DISC1: variants seen among roughly 807,000 people sequenced by gnomAD.
The protein encoded by DISC1 is DISC1 scaffold protein.
In DISC1, 57 loss-of-function variants were observed where a neutral mutation model predicts 84.5. The observed-to-expected ratio is 0.67, with a 90% CI of 0.55 to 0.84. The LOEUF (loss-of-function observed/expected upper bound fraction) is 0.84. Among genes scored for constraint, DISC1 ranks in the 40% least tolerant of loss-of-function variants. The probability of loss-of-function intolerance (pLI) is 0.00; values close to 1 mark genes in which losing one functional copy is unlikely to be tolerated. For synonymous variants in DISC1, 411 were observed against 415.2 expected, an observed-to-expected ratio of 0.99 and a Z score of 0.12; for missense variants, 1,000 against 1,057.8, an observed-to-expected ratio of 0.95 and a Z score of 0.76.
intron 9 of DISC1, among the ~76,000 whole-genome samples, chr1:231,844,013 C>T (rs1384087447): frequency 6.6e-6 from 1 of 152,124 alleles, no homozygotes; most frequent in Non-Finnish European, 1.5e-5. Flanking sequence ...TCCTAAAGAA[C>T]ATTAATCTTT....
intron 1 of DISC1, among the ~76,000 whole-genome samples, chr1:231,646,372 A>ATG (rs1424068377): frequency 3.3e-5 from 5 of 152,100 alleles, no homozygotes; most frequent in Non-Finnish European, 7.4e-5. Context: ...CATGGTGTAT[A>ATG]TGTGCCACAT....
chr1:231,674,554 T>A (rs201005123), intron 1 of DISC1, among the ~76,000 whole-genome samples: 22 of 152,232 alleles, frequency 1.4e-4, no homozygotes, highest in South Asian at 2.1e-4. Context: ...TAACTGATTT[T>A]CTTTTTGTCT....
chr1:231,947,703 A>G lies in DISC1; in HGVS notation c.1982-11125A>G, dbSNP rs551802794. On this transcript the variant is annotated intron_variant, in intron 9 of 12. Coordinates refer to ENST00000439617, the MANE Select transcript of DISC1 (RefSeq NM_018662.3). ...GAATGGGGGAAAATTTTTGCAATCTATCCATCTGACAAAGGGCTAATATTC... is the reference window on the plus strand; with the variant it reads ...GAATGGGGGAAAATTTTTGCAATCTGTCCATCTGACAAAGGGCTAATATTC... 5.9e-5 allele frequency among the ~76,000 whole-genome samples: 9 copies of G among 152,342 alleles called. No homozygotes were observed. The South Asian group carries it at 1.5e-3, about 25-fold the overall frequency.
intron 2 of DISC1, among the ~76,000 whole-genome samples, chr1:231,700,126 G>A (rs932220961): frequency 6.6e-6 from 1 of 152,050 alleles, no homozygotes; most frequent in South Asian, 2.1e-4. Context: ...TCCCCATAAC[G>A]TGGTTCTCCC....
At chr1:232,002,147 G>A (rs1666767192) in intron 10 of DISC1, among the ~76,000 whole-genome samples, 1 of 152,080 alleles carries the variant, frequency 6.6e-6, no homozygotes, top group Non-Finnish European at 1.5e-5. Context: ...TTAGAAATGA[G>A]GGTAATGGAA....
Position 231,960,586 on chromosome 1 carries a change from A to G in DISC1, c.2042+1698A>G, listed in dbSNP as rs1363218289. Among the ~76,000 whole-genome samples, 7 of 152,166 alleles carry G rather than the reference A, an allele frequency of 4.6e-5. 2 individuals carry two copies. The highest frequency in any genetic ancestry group is 4.6e-4 in the Admixed American group (7 of 15,278). ...TTTATATCATTAGAACTGATTGGAC[A>G]CTTATGAGTGGAAAAACACAAACTG... On this transcript the variant is annotated intron_variant, in intron 10 of 12. Coordinates refer to ENST00000439617, the MANE Select transcript of DISC1 (RefSeq NM_018662.3).
intron 9 of DISC1, among the ~76,000 whole-genome samples, chr1:231,852,254 A>G (rs571246792): frequency 2.6e-5 from 4 of 152,354 alleles, no homozygotes; most frequent in Admixed American, 6.5e-5. Context: ...CTCATTTCAG[A>G]ATATCTGAAG....
rs547614737 is a variant in DISC1, at chr1:231,812,864, G to T, written c.1793-5465G>T. On this transcript the variant is annotated intron_variant, in intron 8 of 12. Transcript: ENST00000439617. ...GCAAGGTCTTGGTCTAAGCCTCATG[G>T]GATTAGATCTGAGGTCAAAATGCCT... 3.9e-5 allele frequency among the ~76,000 whole-genome samples: 6 copies of T among 152,268 alleles called. 1 individual carries two copies. The East Asian group carries it at 1.2e-3, about 29-fold the overall frequency.
At chr1:231,835,703 G>A (rs995848126) in intron 9 of DISC1, among the ~76,000 whole-genome samples, 1 of 151,940 alleles carries the variant, frequency 6.6e-6, no homozygotes, top group Non-Finnish European at 1.5e-5. Context: ...GGCACCTAGT[G>A]GTTTTCTTCT....
chr1:231,723,977 A>G lies in DISC1; in HGVS notation c.1117+21953A>G, dbSNP rs550355250. 3.0e-6 allele frequency: 3 copies of G among 985,466 alleles called. No homozygotes were observed. The African/African-American group carries it at 5.2e-5, about 17-fold the overall frequency. The allele number at this position is 985,466 out of a possible 1,614,324, so 61.0% of individuals were successfully genotyped here. Reference sequence around the variant, plus strand: ...GGTGACTCCAGGAAGGAAACTCACCATGACCCTGTATATACATAGAACAAA... The same window carrying G: ...GGTGACTCCAGGAAGGAAACTCACCGTGACCCTGTATATACATAGAACAAA... On this transcript the variant is annotated intron_variant, in intron 3 of 12. Coordinates refer to ENST00000439617, the MANE Select transcript of DISC1 (RefSeq NM_018662.3).
chr1:231,999,881 A>T (rs867393333), intron 10 of DISC1, among the ~76,000 whole-genome samples: 21 of 152,356 alleles, frequency 1.4e-4, no homozygotes, highest in Middle Eastern at 6.8e-3. Flanking sequence ...CTCGAAGGCA[A>T]ACAAATGAAA....
chr1:231,714,404 A>G lies in DISC1; in HGVS notation c.1117+12380A>G, dbSNP rs527394452. Among the ~76,000 whole-genome samples the G allele has an allele frequency of 5.9e-5, 9 of 152,244 alleles. No homozygotes were observed. The South Asian group carries it at 1.5e-3, about 25-fold the overall frequency. ...ACTGGATTTTCACATCCAAAGAATA[A>G]AGTTGGACTCTTGTCTCACACCTTA... On this transcript the variant is annotated intron_variant, in intron 3 of 12. Transcript: ENST00000439617.
intron 9 of DISC1, among the ~76,000 whole-genome samples, chr1:231,896,460 C>T (rs981294103): frequency 1.3e-5 from 2 of 152,132 alleles, no homozygotes; most frequent in African/African-American, 4.8e-5. Flanking sequence ...GAAAAAGAAA[C>T]ATATCAAATG....
At chr1:231,774,969 A>G (rs1205307457) in intron 6 of DISC1, among the ~76,000 whole-genome samples, 1 of 152,242 alleles carries the variant, frequency 6.6e-6, no homozygotes, top group Non-Finnish European at 1.5e-5. Flanking sequence ...CCCATCTTAC[A>G]TACATCAATA....
chr1:231,801,400 G>GTA (rs1430344487), intron 8 of DISC1, among the ~76,000 whole-genome samples: 3 of 152,222 alleles, frequency 2.0e-5, no homozygotes, highest in African/African-American at 7.2e-5. Flanking sequence ...GGGAAGAAAT[G>GTA]TATAATTCAG....
At chr1:231,926,364 T>G (rs1358116344) in intron 9 of DISC1, among the ~76,000 whole-genome samples, 1 of 152,206 alleles carries the variant, frequency 6.6e-6, no homozygotes, top group Non-Finnish European at 1.5e-5. Context: ...TAATATTTTG[T>G]ATAATATACA....
intron 1 of DISC1, among the ~76,000 whole-genome samples, chr1:231,666,690 C>T (rs866718826): frequency 8.5e-5 from 13 of 152,076 alleles, no homozygotes; most frequent in South Asian, 6.2e-4. Context: ...CCAGCCATTT[C>T]GATACATGAC....
At chr1:231,934,286 A>C (rs2090849756) in intron 9 of DISC1, among the ~76,000 whole-genome samples, 1 of 152,156 alleles carries the variant, frequency 6.6e-6, no homozygotes, top group South Asian at 2.1e-4. Context: ...TGGTTAGTTA[A>C]ATATTGAAAT....
chr1:231,764,496 C>T (rs1158347318), intron 4 of DISC1, among the ~76,000 whole-genome samples: 3 of 152,040 alleles, frequency 2.0e-5, no homozygotes, highest in African/African-American at 4.8e-5. Context: ...AATATTTTTA[C>T]AATGGTTCAT....
Sources: gnomAD v4.1 joint callset for allele counts (sites outside exome capture counted in the v4.1 genomes callset) on GRCh38, gnomAD v4.1.1 for gene constraint, MANE v1.5 for transcripts, NCBI Gene and HGNC (gene_info 2026-07-23, HGNC 2026-07-21) for gene names.